Variants in AKAP9 observed in about 807,000 individuals in gnomAD.
The protein encoded by AKAP9 is A-kinase anchor protein 9.
In AKAP9, 311 loss-of-function variants were observed where a neutral mutation model predicts 488.5. The observed-to-expected ratio is 0.64, with a 90% CI of 0.58 to 0.70. The LOEUF (loss-of-function observed/expected upper bound fraction) is 0.70. Ranked by LOEUF, AKAP9 falls within the 30% of genes least tolerant of loss-of-function variation. The pLI is 0.00. For missense variants in AKAP9, 4,215 were observed against 4,374.5 expected, an observed-to-expected ratio of 0.96 and a Z score of 1.03; for synonymous variants, 1,462 against 1,483.5, an observed-to-expected ratio of 0.99 and a Z score of 0.33.
intron 23 of AKAP9, 25 bp from the exon 24 acceptor site, chr7:92,062,249 A>G (rs753603903): frequency 7.0e-6 from 11 of 1,582,494 alleles, no homozygotes; most frequent in South Asian, 1.1e-5. Context: ...TAATAGTTCT[A>G]TTTTCTGTTA....
chr7:92,002,064 A>T lies in AKAP9; in HGVS notation c.2147A>T (p.Glu716Val). The T allele has an allele frequency of 6.2e-7, 1 of 1,600,992 alleles. No homozygotes were observed. The highest frequency in any genetic ancestry group is 8.5e-7 in the Non-Finnish European group (1 of 1,176,284). Residue 716 changes from glutamate to valine, a missense_variant, in exon 8 of 50, where the codon GAA becomes GTA. Glu to Val is a moderately radical substitution (Grantham distance 121). Around this residue, in one of 5 missense-constraint regions of AKAP9, gnomAD observed 2,361 missense variants for 2,430.0 expected, o/e 0.97. Coordinates refer to ENST00000356239, the MANE Select transcript of AKAP9 (RefSeq NM_005751.5). Reference protein sequence around the residue: ...QQSLVNSKSEEMTLQINELQK... With the variant: ...QQSLVNSKSEVMTLQINELQK... ...TCTCTTGTAAATTCAAAGTCAGAAG[A>T]AATGACTCTTCAAATCAATGAACTT...
At position 92,066,437 on chromosome 7, in the gene AKAP9, T is replaced by C; in HGVS notation, c.6221T>C (p.Ile2074Thr). The C allele has an allele frequency of 6.2e-7, 1 of 1,613,172 alleles. No homozygotes were observed. Among genetic ancestry groups the C allele is most frequent in the South Asian group, 1.1e-5 (1 of 91,060 alleles). The stretch of plus-strand genomic sequence containing the variant: ...GTCATTAAACTTTAGGAGCAAGCCA[T>C]TGACAGAGAACATGAGAGAGATGTA... ...KMRKFLDEQA[I>T]DREHERDVFQ... Residue 2074 changes from isoleucine to threonine, a missense_variant, in exon 26 of 50, where the codon ATT becomes ACT. By Grantham distance (89) the Ile-to-Thr change is moderately conservative. This residue lies in a region of AKAP9 where 2,361 missense variants were observed against 2,430.0 expected (regional missense o/e 0.97). Transcript: ENST00000356239.
rs1220912710 is a variant in AKAP9, at chr7:91,971,209, G to A, written c.49-2502G>A. On this transcript the variant is annotated intron_variant, in intron 1 of 49. Transcript: ENST00000356239. ...CTTTTCTCCTCTGTATTTTTAAATA[G>A]CCCGTCTTTGAGCTCACTGATTCTT... Among the ~76,000 whole-genome samples, 9 of 151,822 alleles carry A rather than the reference G, an allele frequency of 5.9e-5. No individual in the cohort carries two copies. In the East Asian group the frequency reaches 1.2e-3, roughly 20 times the overall value.
chr7:92,024,415 A>AT (rs1206195687), intron 14 of AKAP9, among the ~76,000 whole-genome samples: 8 of 144,462 alleles, frequency 5.5e-5, no homozygotes, highest in South Asian at 2.2e-4. Flanking sequence ...CTGCCTAAAA[A>AT]ATATATATAT....
intron 45 of AKAP9, among the ~76,000 whole-genome samples, 200 bp from the exon 46 acceptor site, chr7:92,102,394 T>A (rs1240083488): frequency 6.6e-6 from 1 of 151,304 alleles, no homozygotes; most frequent in East Asian, 1.9e-4. Context: ...TTATCTGAAA[T>A]TTCAACTTTG....
rs546636551 is a variant in AKAP9, at chr7:92,097,515, T to TTATA, written c.10399-71_10399-70insTATA. The TTATA allele has an allele frequency of 3.6e-4, 558 of 1,542,574 alleles. 7 individuals carry two copies. In the South Asian group the frequency reaches 6.0e-3, roughly 16 times the overall value. ...TATTGGATATAAACAATAATTGTGT[T>TTATA]CCCTTAAGATAGACTGTGATATGCT... On this transcript the variant is annotated intron_variant, in intron 41 of 49. Transcript: ENST00000356239.
chr7:91,997,631 A>G (rs1385373912), intron 7 of AKAP9, among the ~76,000 whole-genome samples: 1 of 152,182 alleles, frequency 6.6e-6, no homozygotes, highest in Non-Finnish European at 1.5e-5. Flanking sequence ...ACTTGTCTAG[A>G]AACAGTAATC....
At position 92,098,228 on chromosome 7, in the gene AKAP9, A is replaced by C; in HGVS notation, c.10713+14A>C. 6.6e-7 allele frequency: 1 copy of C among 1,520,786 alleles called. No individual in the cohort carries two copies. Among genetic ancestry groups the C allele is most frequent in the Non-Finnish European group, 9.1e-7 (1 of 1,096,864 alleles). 94.2% of individuals were successfully genotyped at this position (1,520,786 alleles called of 1,614,324 possible). ...CAAGGTGAAGAGGTAATACTTTTTA[A>C]AAGTTATTTCTGAAGCATTGAGAGC... is the stretch of plus-strand genomic sequence containing the variant. On this transcript the variant is annotated intron_variant, in intron 43 of 49. Coordinates refer to ENST00000356239, the MANE Select transcript of AKAP9 (RefSeq NM_005751.5).
intron 8 of AKAP9, among the ~76,000 whole-genome samples, chr7:92,006,574 C>T (rs1240485329): frequency 2.6e-5 from 4 of 152,120 alleles, no homozygotes; most frequent in African/African-American, 9.7e-5. Flanking sequence ...TCATCATTAC[C>T]AAGACAAACC....
At chr7:92,065,528 T>A in intron 25 of AKAP9, 65 bp downstream of exon 25, 1 of 1,150,878 alleles carries the variant, frequency 8.7e-7, no homozygotes, top group Non-Finnish European at 1.3e-6. Context: ...TATACTAGGC[T>A]ATGAATTTTA....
chr7:92,052,902 C>G lies in AKAP9; in HGVS notation c.5545C>G (p.Arg1849Gly). 6.2e-7 allele frequency: 1 copy of G among 1,613,742 alleles called. No homozygotes were observed. The highest frequency in any genetic ancestry group is 8.5e-7 in the Non-Finnish European group (1 of 1,179,838). ...NEELMLNISS[R>G]LQAAVEKLLE... is the part of the protein sequence containing the mutation. ...AGAACTTATGCTGAACATTAGCTCT[C>G]GACTACAAGCAGCAGTTGAAAAACT... is the stretch of plus-strand genomic sequence containing the variant. The change falls in exon 22 of 50, where the codon CGA (arginine) becomes GGA (glycine). Residue 1849 changes from arginine (R) to glycine (G), a missense_variant. Physicochemically the swap from Arg to Gly is moderately radical, Grantham distance 125 (BLOSUM62 -2). Around this residue, in one of 5 missense-constraint regions of AKAP9, gnomAD observed 2,361 missense variants for 2,430.0 expected, o/e 0.97. Transcript: ENST00000356239.
chr7:92,100,809 C>G, intron 44 of AKAP9, 47 bp from the exon 45 acceptor site: 1 of 1,605,272 alleles, frequency 6.2e-7, no homozygotes, highest in South Asian at 1.1e-5. Flanking sequence ...ATGTTTAGCT[C>G]AGACTTTTCT....
At position 92,079,415 on chromosome 7, in the gene AKAP9, C is replaced by A; in HGVS notation, c.7282C>A (p.Gln2428Lys). ...CAATTTTAAAATGAATCAGCTAACA[C>A]AGGAATTATTCAGCTTAAAGAGAGA... is the stretch of plus-strand genomic sequence containing the variant. ...ETNFKMNQLT[Q>K]ELFSLKRERE... is the part of the protein sequence containing the mutation. The change falls in exon 31 of 50, where the codon CAG (glutamine) becomes AAG (lysine). Residue 2428 changes from glutamine (Q) to lysine (K), a missense_variant. Gln to Lys is a moderately conservative substitution (Grantham distance 53). Transcript: ENST00000356239. 6.2e-7 allele frequency: 1 copy of A among 1,614,054 alleles called. No individual in the cohort carries two copies. The highest frequency in any genetic ancestry group is 1.3e-5 in the African/African-American group (1 of 75,040).
At chr7:92,012,045 G>A (rs558336196) in intron 8 of AKAP9, among the ~76,000 whole-genome samples, 8 of 152,264 alleles carry the variant, frequency 5.3e-5, no homozygotes, top group African/African-American at 1.9e-4. Context: ...AGGCTGCAGC[G>A]AGCCATGATT....
At position 92,028,295 on chromosome 7, in the gene AKAP9, TAAAAAAAA is replaced by T. The variant is rs57352733; in HGVS notation, c.4149-1579_4149-1572del. ...ACACCCAAGAATGATCAATAAATAC[TAAAAAAAA>T]AAAAAAAAAAAAAAAAAAAAGAATG... is the stretch of plus-strand genomic sequence containing the variant. On this transcript the variant is annotated intron_variant, in intron 14 of 49. Transcript: ENST00000356239. Among the ~76,000 whole-genome samples, 5 of 65,062 alleles carry T rather than the reference TAAAAAAAA, an allele frequency of 7.7e-5. No individual in the cohort carries two copies. In the East Asian group the frequency reaches 1.6e-3, roughly 21 times the overall value. 42.7% of individuals were successfully genotyped at this position (65,062 alleles called of 152,430 possible). A position where few individuals can be genotyped will look rare whatever the true frequency, so the allele number is the denominator to read the frequency against.
rs746031290 is a variant in AKAP9, at chr7:92,083,496, G to T, written c.8487G>T (p.Glu2829Asp). 3 of 1,611,808 alleles carry T rather than the reference G, an allele frequency of 1.9e-6. No homozygotes were observed. Among genetic ancestry groups the T allele is most frequent in the Non-Finnish European group, 2.5e-6 (3 of 1,179,012 alleles). The stretch of plus-strand genomic sequence containing the variant: ...TCAGTCAGTTTACTGAAAAAATTGA[G>T]AAGATGCAAGAACTACATGCTGCTG... ...EIISQFTEKI[E>D]KMQELHAAEI... Residue 2829 changes from glutamate (E) to aspartate (D), a missense_variant, in exon 33 of 50, where the codon GAG becomes GAT. This residue lies in a region of AKAP9 where 1,476 missense variants were observed against 1,477.4 expected (regional missense o/e 1.00). Transcript: ENST00000356239.
chr7:92,064,983 T>C (rs1039551964), intron 24 of AKAP9, among the ~76,000 whole-genome samples: 9 of 152,048 alleles, frequency 5.9e-5, no homozygotes, highest in African/African-American at 2.2e-4. Flanking sequence ...AAAAATATTA[T>C]TTTCAGTGAC....
At chr7:92,023,414 A>C (rs549911738) in intron 14 of AKAP9, among the ~76,000 whole-genome samples, 2 of 152,256 alleles carry the variant, frequency 1.3e-5, no homozygotes, top group East Asian at 1.9e-4. Flanking sequence ...CTCATGTTCA[A>C]ATTCACCACG....
intron 7 of AKAP9, among the ~76,000 whole-genome samples, chr7:91,999,086 A>G (rs1408173062): frequency 6.6e-6 from 1 of 152,198 alleles, no homozygotes; most frequent in Non-Finnish European, 1.5e-5. Context: ...ATAGGATAAC[A>G]TTCATTGCCT....
Sources: allele counts gnomAD v4.1 joint callset (sites outside exome capture counted in the v4.1 genomes callset), GRCh38; gene constraint gnomAD v4.1.1; regional missense constraint gnomAD v4.1.1; transcripts MANE v1.5; gene names NCBI Gene and HGNC (gene_info 2026-07-23, HGNC 2026-07-21).